Variants in C2CD2 observed in about 807,000 individuals in gnomAD.
C2CD2 encodes C2 domain-containing protein 2.
A neutral mutation model predicts 74.3 loss-of-function variants in C2CD2; 43 were observed. That is an observed-to-expected ratio of 0.58 (90% CI 0.45 to 0.75). C2CD2 has a LOEUF of 0.75. Among genes scored for constraint, C2CD2 ranks in the 30% least tolerant of loss-of-function variants. The pLI, the probability that C2CD2 is intolerant of heterozygous loss-of-function variation, is 0.00. For missense variants in C2CD2, 801 were observed against 916.3 expected (o/e 0.87, Z 1.63); for synonymous variants, 422 against 390.7 (o/e 1.08, Z -0.94).
At chr21:41,947,514 T>C (rs1335558884) in intron 1 of C2CD2, among the ~76,000 whole-genome samples, 1 of 152,200 alleles carries the variant, frequency 6.6e-6, no homozygotes, top group African/African-American at 2.4e-5. Context: ...CATAGTAACA[T>C]GCCACCAATG....
At chr21:41,914,524 C>A in intron 6 of C2CD2, 74 bp downstream of exon 6, 2 of 1,364,696 alleles carry the variant, frequency 1.5e-6, no homozygotes, top group Non-Finnish European at 9.9e-7. Flanking sequence ...GAATCCAAGG[C>A]CCCCCGGAGC....
At chr21:41,912,104 C>T (rs900392374) in intron 7 of C2CD2, 13 of 474,952 alleles carry the variant, frequency 2.7e-5, no homozygotes, top group Admixed American at 1.1e-4. Context: ...CGATGGCTCC[C>T]TCTCATCATA....
At position 41,918,409 on chromosome 21, in the gene C2CD2, C is replaced by T. The variant is rs564070735; in HGVS notation, c.598-182G>A. On this transcript the variant is annotated intron_variant, in intron 4 of 13. Transcript: ENST00000380486. ...ACGCCCTGCCCTTGGAAGCAGCCTT[C>T]GGACTCAGCCCAAGTTACGAGTGCA... Among the ~76,000 whole-genome samples, 5 of 152,322 alleles carry T rather than the reference C, an allele frequency of 3.3e-5. No individual in the cohort carries two copies. The East Asian group carries it at 9.6e-4, about 29-fold the overall frequency.
intron 2 of C2CD2, among the ~76,000 whole-genome samples, chr21:41,925,217 G>A (rs2065197326): frequency 6.6e-6 from 1 of 152,186 alleles, no homozygotes; most frequent in Non-Finnish European, 1.5e-5. Flanking sequence ...CGAGTGTGGT[G>A]GCTCACGCCT....
Position 41,903,137 on chromosome 21 carries a change from C to A in C2CD2, c.1433-1388G>T, listed in dbSNP as rs75164491. 6.6e-6 allele frequency among the ~76,000 whole-genome samples: 1 copy of A among 152,180 alleles called. No individual in the cohort carries two copies. The highest frequency in any genetic ancestry group is 1.9e-4 in the East Asian group (1 of 5,194). ...ACGTACTGGGAAAGGGGCGACTCCACGGAGATCAAAGCTCCCACACTCAGG... is the reference window on the plus strand; with the variant it reads ...ACGTACTGGGAAAGGGGCGACTCCAAGGAGATCAAAGCTCCCACACTCAGG... On this transcript the variant is annotated intron_variant, in intron 11 of 13. Coordinates refer to ENST00000380486, the MANE Select transcript of C2CD2 (RefSeq NM_015500.2). This position sits in a 1 kb window ranked among gnomAD's most constrained non-coding sequence, Gnocchi z 4.5.
intron 13 of C2CD2, among the ~76,000 whole-genome samples, chr21:41,898,109 G>C (rs933233480): frequency 6.6e-6 from 1 of 152,202 alleles, no homozygotes; most frequent in South Asian, 2.1e-4. Flanking sequence ...GAGCCCCTTC[G>C]ATTTCCCGAC....
rs2065114861 is a variant in C2CD2, at chr21:41,918,243, A to C, written c.598-16T>G. The C allele has an allele frequency of 6.2e-7, 1 of 1,613,432 alleles. No individual in the cohort carries two copies. Among genetic ancestry groups the C allele is most frequent in the Admixed American group, 1.7e-5 (1 of 59,976 alleles). On this transcript the variant is annotated splice_polypyrimidine_tract_variant and intron_variant, in intron 4 of 13. Transcript: ENST00000380486. Reference sequence around the variant, plus strand: ...CCACCTGGTCCTGGTGAAAGAGGAGAAAGTTGACAAATCGCCTTTGCAAGC... The same window carrying C: ...CCACCTGGTCCTGGTGAAAGAGGAGCAAGTTGACAAATCGCCTTTGCAAGC...
At chr21:41,898,364 T>G (rs183739922) in intron 13 of C2CD2, among the ~76,000 whole-genome samples, 131 of 152,306 alleles carry the variant, frequency 8.6e-4, no homozygotes, top group Non-Finnish European at 1.4e-3. Flanking sequence ...GTCTCACATC[T>G]GGAACGGACC....
chr21:41,937,101 G>T (rs1458928278), intron 2 of C2CD2, among the ~76,000 whole-genome samples: 1 of 143,080 alleles, frequency 7.0e-6, no homozygotes, highest in East Asian at 2.1e-4. Context: ...TTATAGGCGT[G>T]AGCCACCGCA....
In C2CD2 at chr21:41,929,512, C is replaced by T. The variant is rs893652414; in HGVS notation, c.379-7427G>A. On this transcript the variant is annotated intron_variant, in intron 2 of 13. Coordinates refer to ENST00000380486, the MANE Select transcript of C2CD2 (RefSeq NM_015500.2). This position sits in a 1 kb window ranked among gnomAD's most constrained non-coding sequence, Gnocchi z 4.6. ...CAGAGAAAGAAGGAAGTGCCCTAAA[C>T]GAGCCCAGATCCAATCAGGGTCTCC... Among the ~76,000 whole-genome samples the T allele has an allele frequency of 1.3e-5, 2 of 152,246 alleles. No individual in the cohort carries two copies. The highest frequency in any genetic ancestry group is 2.1e-4 in the South Asian group (1 of 4,836).
At chr21:41,914,094 T>C (rs1179726644) in intron 6 of C2CD2, among the ~76,000 whole-genome samples, 6 of 151,812 alleles carry the variant, frequency 4.0e-5, no homozygotes, top group East Asian at 1.9e-4. Flanking sequence ...GGCGTGGTGG[T>C]GCACGCCTGT....
intron 2 of C2CD2, among the ~76,000 whole-genome samples, chr21:41,932,322 AG>A (rs1342603150): frequency 6.7e-6 from 1 of 149,874 alleles, no homozygotes; most frequent in Non-Finnish European, 1.5e-5. Context: ...GCCGATCCTG[AG>A]TCATATCCTT....
At chr21:41,904,006 C>T (rs942773566) in intron 11 of C2CD2, among the ~76,000 whole-genome samples, 1 of 152,108 alleles carries the variant, frequency 6.6e-6, no homozygotes, top group African/African-American at 2.4e-5. Flanking sequence ...GCTGGGATCC[C>T]CTGGGCTGCA....
chr21:41,912,701 G>A (rs2065042181), intron 6 of C2CD2, among the ~76,000 whole-genome samples: 1 of 152,100 alleles, frequency 6.6e-6, no homozygotes, highest in Admixed American at 6.5e-5. Flanking sequence ...ATGTTGGCCA[G>A]GCTGGTCTCG....
At chr21:41,897,553 G>T (rs745432960) in intron 13 of C2CD2, among the ~76,000 whole-genome samples, 1 of 152,186 alleles carries the variant, frequency 6.6e-6, no homozygotes, top group African/African-American at 2.4e-5. Context: ...CTCTGTGGAG[G>T]GGGGTCCATG....
At chr21:41,905,898 C>T (rs994897066) in intron 10 of C2CD2, 61 bp from the exon 11 acceptor site, 14 of 929,542 alleles carry the variant, frequency 1.5e-5, no homozygotes, top group East Asian at 7.2e-5. Context: ...CAACAGTTAC[C>T]GAAAAGTGAA....
intron 1 of C2CD2, among the ~76,000 whole-genome samples, chr21:41,943,691 T>C (rs527244451): frequency 4.6e-5 from 7 of 152,302 alleles, no homozygotes; most frequent in Admixed American, 3.3e-4. Context: ...ATGGTGCAAG[T>C]GAGCAAGCGA....
rs547628021 is a variant in C2CD2 at position 41,950,336 on chromosome 21, G to A, written c.279+3034C>T. Among the ~76,000 whole-genome samples, 13 of 152,248 alleles carry A rather than the reference G, an allele frequency of 8.5e-5. No individual in the cohort carries two copies. In the East Asian group the frequency reaches 1.4e-3, roughly 16 times the overall value. On this transcript the variant is annotated intron_variant, in intron 1 of 13. Coordinates refer to ENST00000380486, the MANE Select transcript of C2CD2 (RefSeq NM_015500.2). ...CTCCTGTGATCCCTGCACACCTGGC[G>A]TCCACCTGGCCAGCAGGCAGATCAG...
At chr21:41,913,162 A>G (rs2065048361) in intron 6 of C2CD2, among the ~76,000 whole-genome samples, 1 of 152,244 alleles carries the variant, frequency 6.6e-6, no homozygotes, top group Admixed American at 6.5e-5. Context: ...ATTTGGAAAT[A>G]TACCTCACAG....
Sources: allele counts gnomAD v4.1 joint callset (sites outside exome capture counted in the v4.1 genomes callset), GRCh38; gene constraint gnomAD v4.1.1; non-coding constraint Gnocchi (gnomAD v3.1); transcripts MANE v1.5; gene names NCBI Gene and HGNC (gene_info 2026-07-23, HGNC 2026-07-21).